Variants in SEC24B observed in about 807,000 individuals in gnomAD.
SEC24B encodes the protein SEC24 homolog B, COPII component, also known as protein transport protein Sec24B.
Under a neutral mutation model 142.8 loss-of-function variants are expected in SEC24B, and 45 were observed. The observed-to-expected ratio is 0.32, with a 90% CI of 0.25 to 0.40. SEC24B has a LOEUF of 0.40. Among genes scored for constraint, SEC24B ranks in the 10% least tolerant of loss-of-function variants. The pLI, the probability that SEC24B is intolerant of heterozygous loss-of-function variation, is 1.00. For missense variants in SEC24B, 1,409 were observed against 1,526.8 expected (o/e 0.92, Z 1.29); for synonymous variants, 574 against 568.2 (o/e 1.01, Z -0.15).
intron 22 of SEC24B, among the ~76,000 whole-genome samples, chr4:109,534,580 C>A (rs1407941406): frequency 2.6e-5 from 4 of 151,470 alleles, no homozygotes; most frequent in Admixed American, 2.6e-4. Flanking sequence ...CAGCGAGACT[C>A]CAACTAAAAA....
At chr4:109,441,640 C>T (rs1397749068) in intron 1 of SEC24B, among the ~76,000 whole-genome samples, 1 of 152,130 alleles carries the variant, frequency 6.6e-6, no homozygotes, top group Non-Finnish European at 1.5e-5. Flanking sequence ...CCATGTTGCC[C>T]AGGCTCAAGT....
intron 1 of SEC24B, among the ~76,000 whole-genome samples, chr4:109,461,982 G>A (rs942575444): frequency 6.6e-6 from 1 of 151,984 alleles, no homozygotes; most frequent in Non-Finnish European, 1.5e-5. Flanking sequence ...GGGCCGTGGT[G>A]TATGGGAGAC....
intron 6 of SEC24B, among the ~76,000 whole-genome samples, chr4:109,500,910 A>G (rs1438178799): frequency 6.6e-6 from 1 of 152,104 alleles, no homozygotes; most frequent in Non-Finnish European, 1.5e-5. Flanking sequence ...CCACCCGCCT[A>G]GGTCTCCCAA....
chr4:109,522,037 G>C (rs999383874), intron 14 of SEC24B, among the ~76,000 whole-genome samples: 1 of 142,648 alleles, frequency 7.0e-6, no homozygotes, highest in South Asian at 2.3e-4. Context: ...GGCTGCCTGA[G>C]AGTTTTTTGT....
intron 9 of SEC24B, 102 bp downstream of exon 9, chr4:109,512,185 A>G: frequency 9.3e-7 from 1 of 1,078,774 alleles, no homozygotes. Flanking sequence ...TTTAAAAAGA[A>G]TTTTCATGCC....
intron 1 of SEC24B, among the ~76,000 whole-genome samples, chr4:109,453,873 A>G (rs900623563): frequency 6.6e-6 from 1 of 152,124 alleles, no homozygotes; most frequent in African/African-American, 2.4e-5. Flanking sequence ...GACTTCCCGC[A>G]ACAGACGGAG....
In SEC24B at chr4:109,512,018, A is replaced by G. The variant is rs1384032502; in HGVS notation, c.1838A>G (p.Asn613Ser). ...TGCCGATCCTGTCGAACGTATATTA[A>G]CCCCTTTGTATCCTTCATTGATCAA... ...VRCRSCRTYI[N>S]PFVSFIDQRR... The change falls in exon 9 of 24, where the codon AAC becomes AGC. Residue 613 changes from asparagine to serine, a missense_variant. Physicochemically the swap from Asn to Ser is conservative, Grantham distance 46. Transcript: ENST00000265175. 1 of 1,613,014 alleles carries G rather than the reference A, an allele frequency of 6.2e-7. No individual in the cohort carries two copies. Among genetic ancestry groups the G allele is most frequent in the South Asian group, 1.1e-5 (1 of 91,036 alleles).
intron 2 of SEC24B, among the ~76,000 whole-genome samples, 171 bp downstream of exon 2, chr4:109,463,815 T>C (rs1561089269): frequency 6.6e-6 from 1 of 152,168 alleles, no homozygotes; most frequent in Non-Finnish European, 1.5e-5. Context: ...TCTCATCCAT[T>C]CCCAATTAGC....
At chr4:109,516,674 T>C in intron 11 of SEC24B, 34 bp downstream of exon 11, 1 of 1,158,190 alleles carries the variant, frequency 8.6e-7, no homozygotes. Flanking sequence ...TATACATATG[T>C]GTATGTTATA....
At chr4:109,436,850 GCGGCACCT>G (rs2125886494) in intron 1 of SEC24B, among the ~76,000 whole-genome samples, 1 of 152,312 alleles carries the variant, frequency 6.6e-6, no homozygotes, top group South Asian at 2.1e-4. Flanking sequence ...TGGGAGGGTG[GCGGCACCT>G]GCCCCCATCC....
At position 109,524,889 on chromosome 4, in the gene SEC24B, T is replaced by G. The variant is rs2126080679; in HGVS notation, c.2580T>G (p.Thr860=). Residue 860 remains threonine (T), a synonymous_variant, in exon 15 of 24, where the codon ACT becomes ACG. Coordinates refer to ENST00000265175, the MANE Select transcript of SEC24B (RefSeq NM_006323.5). ...CATTAGATTGCTCGGGACAGCAAAC[T>G]GCAGTGGATTTGTTCCTTTTAAGTT... ...KLALDCSGQQ[T]AVDLFLLSSQ... 6.2e-7 allele frequency: 1 copy of G among 1,612,798 alleles called. No individual in the cohort carries two copies. The highest frequency in any genetic ancestry group is 2.2e-5 in the East Asian group (1 of 44,776).
intron 6 of SEC24B, among the ~76,000 whole-genome samples, chr4:109,497,723 C>T (rs1226681964): frequency 6.6e-6 from 1 of 152,074 alleles, no homozygotes; most frequent in African/African-American, 2.4e-5. Flanking sequence ...TGTTGATGGG[C>T]ATTGGGGTAA....
intron 17 of SEC24B, among the ~76,000 whole-genome samples, chr4:109,526,658 A>G (rs542074189): frequency 6.6e-6 from 1 of 152,196 alleles, no homozygotes; most frequent in Non-Finnish European, 1.5e-5. Flanking sequence ...AAATCCAGCT[A>G]TGCCATTCTT....
chr4:109,460,523 A>C (rs577759564), intron 1 of SEC24B, among the ~76,000 whole-genome samples: 1 of 152,268 alleles, frequency 6.6e-6, no homozygotes, highest in East Asian at 1.9e-4. Context: ...TGTTTTTGGG[A>C]CAATTGGCCA....
intron 1 of SEC24B, among the ~76,000 whole-genome samples, chr4:109,462,648 G>C (rs1018098548): frequency 2.0e-5 from 3 of 152,108 alleles, no homozygotes; most frequent in African/African-American, 7.2e-5. Context: ...CACCTTTGCC[G>C]TATGCTACTG....
chr4:109,448,366 T>C (rs1729680861), intron 1 of SEC24B, among the ~76,000 whole-genome samples: 1 of 152,212 alleles, frequency 6.6e-6, no homozygotes, highest in South Asian at 2.1e-4. Flanking sequence ...TACAATTTAA[T>C]AGGTCATTTC....
chr4:109,488,581 A>G (rs535472555), intron 4 of SEC24B: 6 of 153,384 alleles, frequency 3.9e-5, no homozygotes, highest in African/African-American at 1.4e-4. Context: ...ACATTTGTCA[A>G]CAAGTTTTTG....
chr4:109,481,851 AC>A, intron 4 of SEC24B, 70 bp downstream of exon 4: 2 of 1,120,610 alleles, frequency 1.8e-6, no homozygotes, highest in South Asian at 1.5e-5. Flanking sequence ...CCACAGTCTT[AC>A]TTAGCCTTTT....
intron 4 of SEC24B, among the ~76,000 whole-genome samples, chr4:109,483,605 A>G (rs1430511537): frequency 6.6e-6 from 1 of 152,228 alleles, no homozygotes; most frequent in African/African-American, 2.4e-5. Context: ...TGTGACCACA[A>G]TTCTCCTGTT....
Sources: allele counts gnomAD v4.1 joint callset (sites outside exome capture counted in the v4.1 genomes callset), GRCh38; gene constraint gnomAD v4.1.1; transcripts MANE v1.5; gene names NCBI Gene and HGNC (gene_info 2026-07-23, HGNC 2026-07-21).